BCAS1: variants seen among roughly 807,000 people sequenced by gnomAD.
BCAS1 encodes brain enriched myelin associated protein 1.
BCAS1 carries 46 observed loss-of-function variants against 65.4 expected under a neutral mutation model. The ratio of observed to expected loss-of-function variants is 0.70; its 90% CI spans 0.55 to 0.90. BCAS1 has a LOEUF of 0.90. Ranked by LOEUF, BCAS1 falls within the 40% of genes least tolerant of loss-of-function variation. BCAS1 has a pLI of 0.00. For synonymous variants in BCAS1, 298 were observed against 293.5 expected, an observed-to-expected ratio of 1.02 and a Z score of -0.16; for missense variants, 793 against 771.2, an observed-to-expected ratio of 1.03 and a Z score of -0.33.
At chr20:53,959,922 C>T (rs73137773) in intron 10 of BCAS1, among the ~76,000 whole-genome samples, 4,751 of 152,238 alleles carry the variant, frequency 0.031, 101 homozygotes, top group Middle Eastern at 0.096. Flanking sequence ...GAACTGTTGG[C>T]TATTTCTTCC....
intron 1 of BCAS1, among the ~76,000 whole-genome samples, chr20:54,063,901 G>T (rs961465044): frequency 6.6e-6 from 1 of 152,186 alleles, no homozygotes; most frequent in Non-Finnish European, 1.5e-5. Context: ...TTTGAATGGG[G>T]TGTTAAAATG....
At chr20:54,069,173 C>T (rs563483305) in intron 1 of BCAS1, among the ~76,000 whole-genome samples, 2 of 114,396 alleles carry the variant, frequency 1.7e-5, no homozygotes, top group East Asian at 7.4e-4. Context: ...AGTATATACA[C>T]CCAGGGCCTG....
chr20:53,970,582 C>T (rs1009432205), intron 9 of BCAS1, among the ~76,000 whole-genome samples: 7 of 152,130 alleles, frequency 4.6e-5, no homozygotes, highest in East Asian at 3.8e-4. Flanking sequence ...GTCAGATGTG[C>T]GCTACATTTT....
intron 11 of BCAS1, 47 bp downstream of exon 11, chr20:53,957,385 G>C: frequency 6.6e-7 from 1 of 1,507,704 alleles, no homozygotes; most frequent in Non-Finnish European, 9.2e-7. Flanking sequence ...GAAGAAGTGA[G>C]AATACACCAC....
At chr20:54,040,037 A>G (rs2091963404) in intron 3 of BCAS1, among the ~76,000 whole-genome samples, 1 of 151,454 alleles carries the variant, frequency 6.6e-6, no homozygotes, top group African/African-American at 2.4e-5. Context: ...ATTCCTCAGT[A>G]TGGATATACC....
At chr20:54,051,895 C>T (rs568591118) in intron 3 of BCAS1, among the ~76,000 whole-genome samples, 31 of 152,140 alleles carry the variant, frequency 2.0e-4, no homozygotes, top group East Asian at 3.9e-4. Flanking sequence ...TGTGTCACCA[C>T]GCCCAGCTAA....
intron 9 of BCAS1, 81 bp downstream of exon 9, chr20:53,975,308 C>A: frequency 7.8e-7 from 1 of 1,278,432 alleles, no homozygotes; most frequent in Non-Finnish European, 1.1e-6. Context: ...GAACACAGGA[C>A]CCCAGAGCTG....
intron 3 of BCAS1, among the ~76,000 whole-genome samples, chr20:54,033,931 CA>C (rs2091851369): frequency 6.6e-6 from 1 of 151,258 alleles, no homozygotes. Context: ...AGCAGCACAC[CA>C]AAAAGCTTAT....
intron 4 of BCAS1, among the ~76,000 whole-genome samples, chr20:54,009,161 T>C (rs1039882486): frequency 6.6e-6 from 1 of 152,098 alleles, no homozygotes; most frequent in Non-Finnish European, 1.5e-5. Context: ...CAATTAACAA[T>C]TGTAACAGTG....
intron 9 of BCAS1, among the ~76,000 whole-genome samples, chr20:53,970,096 G>A (rs1435691151): frequency 2.0e-5 from 3 of 150,680 alleles, no homozygotes; most frequent in Non-Finnish European, 2.9e-5. Flanking sequence ...TTCTTTCTTC[G>A]TGTGCAAAGA....
At chr20:54,053,432 T>G (rs1195820026) in intron 3 of BCAS1, among the ~76,000 whole-genome samples, 1 of 152,264 alleles carries the variant, frequency 6.6e-6, no homozygotes, top group Non-Finnish European at 1.5e-5. Flanking sequence ...GTATTTTCCC[T>G]GATTGATATC....
At chr20:54,058,477 T>G (rs575732718) in intron 2 of BCAS1, among the ~76,000 whole-genome samples, 170 bp downstream of exon 2, 7 of 152,064 alleles carry the variant, frequency 4.6e-5, no homozygotes, top group Non-Finnish European at 8.8e-5. Context: ...AGCACGAATT[T>G]AATATGCTGA....
rs145029009 is a variant in BCAS1, at chr20:54,054,383, A to G, written c.142+3702T>C. ...CAATGACTTTTCTATACCTCTATAC[A>G]TATATGTATACACCAATAGAGATCA... On this transcript the variant is annotated intron_variant, in intron 3 of 12. Coordinates refer to ENST00000688948, the MANE Select transcript of BCAS1 (RefSeq NM_001366298.2). Among the ~76,000 whole-genome samples, 1,076 of 152,356 alleles carry G rather than the reference A, an allele frequency of 7.1e-3. 17 individuals are homozygous for G. The highest frequency in any genetic ancestry group is 0.024 in the African/African-American group (997 of 41,578).
intron 7 of BCAS1, among the ~76,000 whole-genome samples, chr20:53,987,882 C>T (rs2090654963): frequency 6.6e-6 from 1 of 152,130 alleles, no homozygotes; most frequent in African/African-American, 2.4e-5. Flanking sequence ...AACAACTGCC[C>T]TAAGGTCCTT....
chr20:54,032,233 G>A lies in BCAS1; in HGVS notation c.143-3261C>T, dbSNP rs138863298. Among the ~76,000 whole-genome samples the A allele has an allele frequency of 8.3e-3, 1,258 of 151,300 alleles. 51 individuals carry two copies. The highest frequency in any genetic ancestry group is 0.044 in the South Asian group (211 of 4,778). The stretch of plus-strand genomic sequence containing the variant: ...AGAATTTTATATCTGACTAAACTAA[G>A]CTTCATAAGCAAAAGAGAAATAAGA... On this transcript the variant is annotated intron_variant, in intron 3 of 12. Transcript: ENST00000688948.
chr20:54,046,311 C>G (rs377304534), intron 3 of BCAS1, among the ~76,000 whole-genome samples: 2 of 151,816 alleles, frequency 1.3e-5, no homozygotes, highest in African/African-American at 4.8e-5. Flanking sequence ...GGGTGGATCA[C>G]GAGGTCAGGA....
In BCAS1 at chr20:53,944,987, G is replaced by A. The variant is rs147771144; in HGVS notation, c.1825C>T (p.Arg609Trp). The change falls in exon 13 of 13, where the codon CGG becomes TGG. Residue 609 changes from arginine (R) to tryptophan (W), a missense_variant. Coordinates refer to ENST00000688948, the MANE Select transcript of BCAS1 (RefSeq NM_001366298.2). ...GTTTGCACTTGAGCATCCAACATCC[G>A]CTTTGGTCCCTGGAGAAAAACAGAA... is the stretch of plus-strand genomic sequence containing the variant. The part of the protein sequence containing the change: ...GGFFKGLGPK[R>W]MLDAQVQTDP... 50 of 1,614,026 alleles carry A rather than the reference G, an allele frequency of 3.1e-5. No homozygotes were observed. The highest frequency in any genetic ancestry group is 1.6e-4 in the Middle Eastern group (1 of 6,062).
chr20:54,052,386 G>T (rs465402), intron 3 of BCAS1, among the ~76,000 whole-genome samples: 107,072 of 152,038 alleles, frequency 0.7, 38,201 homozygotes, highest in East Asian at 0.81. Context: ...CTTCTTTTTC[G>T]TAGTATAATA....
intron 3 of BCAS1, 66 bp downstream of exon 3, chr20:54,058,019 T>A: frequency 8.7e-7 from 1 of 1,150,298 alleles, no homozygotes; most frequent in Non-Finnish European, 1.3e-6. Context: ...TTTTTCACCG[T>A]AAACAGCATC....
Sources: allele counts gnomAD v4.1 joint callset (sites outside exome capture counted in the v4.1 genomes callset), GRCh38; gene constraint gnomAD v4.1.1; transcripts MANE v1.5; gene names NCBI Gene and HGNC (gene_info 2026-07-23, HGNC 2026-07-21).